Variants in GLIS1 observed in about 807,000 individuals in gnomAD.
GLIS1 encodes the protein GLIS family zinc finger 1.
A neutral mutation model predicts 63.8 loss-of-function variants in GLIS1; 24 were observed. The ratio of observed to expected loss-of-function variants is 0.38; its 90% CI spans 0.27 to 0.53. The LOEUF (loss-of-function observed/expected upper bound fraction) is 0.53, where lower values mean the gene tolerates loss of function less well. GLIS1 is among the 20% of genes least tolerant of loss of function. The pLI, the probability that GLIS1 is intolerant of heterozygous loss-of-function variation, is 0.85. For synonymous variants in GLIS1, 450 were observed against 482.5 expected (o/e 0.93, Z 0.88); for missense variants, 1,036 against 1,074.1 (o/e 0.96, Z 0.50).
chr1:53,571,261 T>C (rs556963397), intron 4 of GLIS1, among the ~76,000 whole-genome samples: 7 of 152,338 alleles, frequency 4.6e-5, no homozygotes, highest in Non-Finnish European at 7.4e-5. Flanking sequence ...TTTGAGGACA[T>C]AGAACCACAG....
At chr1:53,612,181 G>C (rs548883239) in intron 2 of GLIS1, among the ~76,000 whole-genome samples, 1 of 152,266 alleles carries the variant, frequency 6.6e-6, no homozygotes, top group East Asian at 1.9e-4. Context: ...TTACCCCTTA[G>C]CCTGTGCCAT....
intron 2 of GLIS1, among the ~76,000 whole-genome samples, chr1:53,620,668 C>T (rs1387846715): frequency 6.6e-6 from 1 of 152,184 alleles, no homozygotes; most frequent in Non-Finnish European, 1.5e-5. Flanking sequence ...TGGACATAAA[C>T]AAGGAGGGCT....
intron 4 of GLIS1, among the ~76,000 whole-genome samples, chr1:53,562,225 C>T (rs551644390): frequency 1.3e-5 from 2 of 152,280 alleles, no homozygotes; most frequent in East Asian, 1.9e-4. Flanking sequence ...AGAGGCCAGA[C>T]CATCTCTTCT....
chr1:53,584,698 A>T (rs1174442658), intron 4 of GLIS1, among the ~76,000 whole-genome samples: 2 of 152,162 alleles, frequency 1.3e-5, no homozygotes, highest in African/African-American at 2.4e-5. Flanking sequence ...ACTCTAAAGA[A>T]GGGCCTCTTC....
intron 6 of GLIS1, among the ~76,000 whole-genome samples, chr1:53,521,780 T>C (rs1644411887): frequency 6.6e-6 from 1 of 152,226 alleles, no homozygotes; most frequent in Admixed American, 6.5e-5. Flanking sequence ...GACAGTCACC[T>C]CAGAACATCT....
chr1:53,674,058 G>C (rs1250099203), intron 2 of GLIS1, among the ~76,000 whole-genome samples: 9 of 151,806 alleles, frequency 5.9e-5, no homozygotes, highest in Non-Finnish European at 1.3e-4. Flanking sequence ...TGTAATCCCA[G>C]CTACTTGGGA....
rs754934554 is a variant in GLIS1, at chr1:53,594,410, G to A, written c.1018C>T (p.Pro340Ser). The change falls in exon 4 of 11, where the codon CCG (proline) becomes TCG (serine). Residue 340 changes from proline to serine, a missense_variant. Pro to Ser is a moderately conservative substitution (Grantham distance 74, BLOSUM62 -1). This residue lies in a region of GLIS1 where 592 missense variants were observed against 593.9 expected (regional missense o/e 1.00). Coordinates refer to ENST00000628545, the MANE Select transcript of GLIS1 (RefSeq NM_001367484.1). Reference sequence around the variant, plus strand: ...AACTGAGACAGGGGATAGGGGGGCGGCAGGCCCTGCTGGTGAGGCCCAAAG... The same window carrying A: ...AACTGAGACAGGGGATAGGGGGGCGACAGGCCCTGCTGGTGAGGCCCAAAG... ...ELFGPHQQGL[P>S]PPYPLSQLPP... is the part of the protein sequence containing the mutation. 10 of 1,612,192 alleles carry A rather than the reference G, an allele frequency of 6.2e-6. No homozygotes were observed. Among genetic ancestry groups the A allele is most frequent in the East Asian group, 2.2e-5 (1 of 44,856 alleles).
chr1:53,544,200 G>A (rs369750175), intron 4 of GLIS1, among the ~76,000 whole-genome samples: 1 of 152,214 alleles, frequency 6.6e-6, no homozygotes, highest in East Asian at 1.9e-4. Context: ...GAACCGCTCG[G>A]CTATGACCTG....
chr1:53,674,475 T>G lies in GLIS1; in HGVS notation c.259+63331A>C, dbSNP rs184537691. On this transcript the variant is annotated intron_variant, in intron 2 of 10. Transcript: ENST00000628545. ...TCACAGGTCTAAATTACTTAAGTTCTCTGTGCCCTGGTTTCCACATGTGTA... is the reference window on the plus strand; with the variant it reads ...TCACAGGTCTAAATTACTTAAGTTCGCTGTGCCCTGGTTTCCACATGTGTA... Among the ~76,000 whole-genome samples, 104 of 152,358 alleles carry G rather than the reference T, an allele frequency of 6.8e-4. 1 individual carries two copies. The highest frequency in any genetic ancestry group is 2.4e-3 in the African/African-American group (99 of 41,586).
In GLIS1 at chr1:53,509,838, C is replaced by A. The variant is rs140997049; in HGVS notation, c.2062+11G>T. ...GGGGTTATACGGAGCGGGCCCCTGGCCAGAGCTTACCTTGTGGGCTGGGCA... is the reference window on the plus strand; with the variant it reads ...GGGGTTATACGGAGCGGGCCCCTGGACAGAGCTTACCTTGTGGGCTGGGCA... On this transcript the variant is annotated intron_variant, in intron 9 of 10. Coordinates refer to ENST00000628545, the MANE Select transcript of GLIS1 (RefSeq NM_001367484.1). 5,153 of 1,299,596 alleles carry A rather than the reference C, an allele frequency of 4.0e-3. 166 individuals carry two copies. In the African/African-American group the frequency reaches 0.069, roughly 17 times the overall value. 80.5% of individuals were successfully genotyped at this position (1,299,596 alleles called of 1,614,324 possible).
intron 2 of GLIS1, among the ~76,000 whole-genome samples, chr1:53,626,782 C>G (rs1189185240): frequency 4.6e-5 from 7 of 152,212 alleles, no homozygotes; most frequent in African/African-American, 1.7e-4. Flanking sequence ...GTGCAGACCC[C>G]AGGGTCCACT....
rs1645767604 is a variant in GLIS1 at position 53,639,888 on chromosome 1, T to C, written c.260-39610A>G. Among the ~76,000 whole-genome samples the C allele has an allele frequency of 6.6e-6, 1 of 152,204 alleles. No homozygotes were observed. Among genetic ancestry groups the C allele is most frequent in the African/African-American group, 2.4e-5 (1 of 41,460 alleles). On this transcript the variant is annotated intron_variant, in intron 2 of 10. Transcript: ENST00000628545. The surrounding 1 kb of genome is among the most constrained non-coding windows in gnomAD (Gnocchi z 4.6). ...TGTTTAAAAGCTGTGGCTTTGCTGC[T>C]AATAGTCCTGGGTTCAAATCCCAAG...
intron 2 of GLIS1, among the ~76,000 whole-genome samples, chr1:53,728,118 C>T (rs1646823487): frequency 6.6e-6 from 1 of 152,080 alleles, no homozygotes; most frequent in Non-Finnish European, 1.5e-5. Context: ...CTGCCCCTGT[C>T]TTCAAGGACG....
At chr1:53,528,776 G>A (rs187382668) in intron 5 of GLIS1, among the ~76,000 whole-genome samples, 23 of 152,206 alleles carry the variant, frequency 1.5e-4, no homozygotes, top group Admixed American at 5.2e-4. Context: ...TGAACTGGAC[G>A]GGCTGGGGGG....
chr1:53,611,422 A>C (rs1645423795), intron 2 of GLIS1, among the ~76,000 whole-genome samples: 3 of 152,166 alleles, frequency 2.0e-5, no homozygotes, highest in Non-Finnish European at 4.4e-5. Context: ...GTGTCTGATA[A>C]CACCAACATC....
intron 2 of GLIS1, among the ~76,000 whole-genome samples, chr1:53,629,709 T>G (rs1336958971): frequency 6.6e-6 from 1 of 152,236 alleles, no homozygotes; most frequent in Non-Finnish European, 1.5e-5. Context: ...AGGCCTGACC[T>G]TCCTCAAACC....
chr1:53,580,704 C>T (rs1387003685), intron 4 of GLIS1, among the ~76,000 whole-genome samples: 1 of 151,664 alleles, frequency 6.6e-6, no homozygotes, highest in African/African-American at 2.4e-5. Flanking sequence ...AAAACATGGA[C>T]GAAAGCCTTA....
chr1:53,676,411 C>T (rs1220654991), intron 2 of GLIS1, among the ~76,000 whole-genome samples: 3 of 152,188 alleles, frequency 2.0e-5, no homozygotes, highest in Non-Finnish European at 4.4e-5. Flanking sequence ...CTCCCCCACA[C>T]CCTGGCACAG....
chr1:53,655,024 G>T (rs1483695502), intron 2 of GLIS1, among the ~76,000 whole-genome samples: 1 of 152,230 alleles, frequency 6.6e-6, no homozygotes, highest in Non-Finnish European at 1.5e-5. Flanking sequence ...ATGATGAGGA[G>T]CTATGTCTTG....
Sources: gnomAD v4.1 joint callset for allele counts (sites outside exome capture counted in the v4.1 genomes callset) on GRCh38, gnomAD v4.1.1 for gene constraint, gnomAD v4.1.1 regional missense constraint, Gnocchi (gnomAD v3.1) non-coding constraint, MANE v1.5 for transcripts, NCBI Gene and HGNC (gene_info 2026-07-23, HGNC 2026-07-21) for gene names.